Variants in SOX5 observed in about 807,000 individuals in gnomAD.
The protein encoded by SOX5 is transcription factor SOX-5.
In SOX5, 9 loss-of-function variants were observed where a neutral mutation model predicts 92.0. The ratio of observed to expected loss-of-function variants is 0.10; its 90% CI spans 0.06 to 0.17. The LOEUF (loss-of-function observed/expected upper bound fraction) is 0.17, where lower values mean the gene tolerates loss of function less well. Ranked by LOEUF, SOX5 falls within the 10% of genes least tolerant of loss-of-function variation. SOX5 has a pLI of 1.00. For missense variants in SOX5, 642 were observed against 944.5 expected, an observed-to-expected ratio of 0.68 and a Z score of 4.20; for synonymous variants, 344 against 336.3, an observed-to-expected ratio of 1.02 and a Z score of -0.25.
chr12:23,675,654 A>T (rs1451836771), intron 6 of SOX5, among the ~76,000 whole-genome samples: 1 of 152,188 alleles, frequency 6.6e-6, no homozygotes, highest in African/African-American at 2.4e-5. Flanking sequence ...TTTTAATATC[A>T]TACCAAAAGC....
intron 3 of SOX5, among the ~76,000 whole-genome samples, chr12:23,799,798 A>G (rs2095630253): frequency 6.6e-6 from 1 of 152,020 alleles, no homozygotes; most frequent in South Asian, 2.1e-4. Flanking sequence ...TAAGCATACC[A>G]TATTACAGAC....
At chr12:23,758,846 A>G (rs1432753311) in intron 3 of SOX5, among the ~76,000 whole-genome samples, 1 of 151,820 alleles carries the variant, frequency 6.6e-6, no homozygotes. Context: ...TCGTGTGTGC[A>G]CTCCCTTATT....
intron 9 of SOX5, among the ~76,000 whole-genome samples, chr12:23,603,505 C>T (rs1366483927): frequency 7.0e-6 from 1 of 143,662 alleles, no homozygotes; most frequent in Non-Finnish European, 1.6e-5. Context: ...TTCTACTTAA[C>T]ATTTCCTAAT....
chr12:23,542,818 T>C (rs1383313937), intron 13 of SOX5, among the ~76,000 whole-genome samples: 1 of 152,156 alleles, frequency 6.6e-6, no homozygotes, highest in Non-Finnish European at 1.5e-5. Flanking sequence ...CAGAGGATGA[T>C]GAGAGAGGAA....
chr12:23,741,010 T>C lies in SOX5; in HGVS notation c.598A>G (p.Arg200Gly). The C allele has an allele frequency of 6.2e-7, 1 of 1,606,124 alleles. No homozygotes were observed. Among genetic ancestry groups the C allele is most frequent in the Non-Finnish European group, 8.5e-7 (1 of 1,174,212 alleles). Residue 200 changes from arginine (R) to glycine (G), a missense_variant, in exon 5 of 15, where the codon AGG (arginine) becomes GGG (glycine). By Grantham distance (125) the Arg-to-Gly change is moderately radical. Transcript: ENST00000451604. ...TGGTTGATCATACCCATGAGTTGCC[T>C]TTCTTTCTCAGCTAAGCTCTCGGGA... ...GTPESLAEKE[R>G]QLMGMINQLT...
intron 1 of SOX5, among the ~76,000 whole-genome samples, chr12:23,917,611 C>T (rs1461424374): frequency 6.6e-6 from 1 of 152,006 alleles, no homozygotes; most frequent in Non-Finnish European, 1.5e-5. Context: ...AAAATGATGG[C>T]ATTTTGCTTG....
chr12:23,587,587 G>T (rs1189219420), intron 9 of SOX5, among the ~76,000 whole-genome samples: 2 of 151,898 alleles, frequency 1.3e-5, no homozygotes, highest in East Asian at 3.9e-4. Context: ...AATACTGGTC[G>T]AGACCCTCAC....
chr12:23,535,037 A>G (rs932685491), intron 14 of SOX5, among the ~76,000 whole-genome samples: 2 of 152,154 alleles, frequency 1.3e-5, no homozygotes, highest in African/African-American at 4.8e-5. Context: ...GTAGTGCTTT[A>G]TAGAGTACAA....
At chr12:24,088,441 T>A (rs1418633745) in intron 4 of SOX5, among the ~76,000 whole-genome samples, 1 of 152,064 alleles carries the variant, frequency 6.6e-6, no homozygotes, top group Non-Finnish European at 1.5e-5. Context: ...GGCATTGACT[T>A]ACCACAACTC....
At chr12:23,666,290 G>C (rs1342985843) in intron 6 of SOX5, among the ~76,000 whole-genome samples, 3 of 152,030 alleles carry the variant, frequency 2.0e-5, no homozygotes, top group Non-Finnish European at 4.4e-5. Flanking sequence ...TTAGACCACA[G>C]GGTCTCCATT....
At chr12:23,963,866 C>A (rs1947251217) in intron 4 of SOX5, among the ~76,000 whole-genome samples, 1 of 150,390 alleles carries the variant, frequency 6.6e-6, no homozygotes, top group Admixed American at 6.6e-5. Context: ...TGCAAATAAA[C>A]CAGGCTGCTA....
chr12:24,107,571 A>G (rs929393228), intron 4 of SOX5, among the ~76,000 whole-genome samples: 38 of 152,190 alleles, frequency 2.5e-4, no homozygotes, highest in Non-Finnish European at 4.0e-4. Flanking sequence ...AACCCAAAAA[A>G]CAGCCTTAGT....
At chr12:23,574,053 C>T (rs956442009) in intron 10 of SOX5, among the ~76,000 whole-genome samples, 10 of 151,212 alleles carry the variant, frequency 6.6e-5, no homozygotes, top group African/African-American at 2.4e-4. Flanking sequence ...AATGCAATAC[C>T]AGCTGCTAAG....
chr12:24,277,940 A>G (rs1275329342), intron 2 of SOX5, among the ~76,000 whole-genome samples: 4 of 152,156 alleles, frequency 2.6e-5, no homozygotes, highest in Admixed American at 2.0e-4. Context: ...CAACTTCAGA[A>G]AGTGCTCTTG....
At chr12:23,950,454 G>A (rs1308258869), upstream of SOX5, among the ~76,000 whole-genome samples, 3 of 152,140 alleles carry the variant, frequency 2.0e-5, no homozygotes, top group South Asian at 2.1e-4. Flanking sequence ...CTGGCAACCC[G>A]ACCAAAGTTT....
intron 4 of SOX5, among the ~76,000 whole-genome samples, chr12:23,985,662 AT>A (rs34711588): frequency 0.27 from 39,694 of 148,956 alleles, 5,433 homozygotes; most frequent in African/African-American, 0.32. Context: ...TGCTTCCCTT[AT>A]TTTTTTTTTT....
intron 1 of SOX5, among the ~76,000 whole-genome samples, chr12:24,548,994 A>T (rs1175320907): frequency 2.0e-5 from 3 of 150,858 alleles, no homozygotes; most frequent in African/African-American, 7.3e-5. Flanking sequence ...TTTCCCTTCC[A>T]CTCTGCTTCA....
rs546331830 is a variant in SOX5 at position 23,668,258 on chromosome 12, G to A, written c.811-2694C>T. On this transcript the variant is annotated intron_variant, in intron 6 of 14. Transcript: ENST00000451604. The stretch of plus-strand genomic sequence containing the variant: ...TAAACAAAAACACACACAAAACAAA[G>A]TTATATATTGATTAGCTGAAGAAAA... 1.8e-4 allele frequency among the ~76,000 whole-genome samples: 28 copies of A among 152,224 alleles called. 1 individual carries two copies. The highest frequency in any genetic ancestry group is 6.3e-4 in the African/African-American group (26 of 41,548).
intron 7 of SOX5, among the ~76,000 whole-genome samples, chr12:23,655,419 T>C (rs1262787382): frequency 6.6e-6 from 1 of 152,164 alleles, no homozygotes; most frequent in Non-Finnish European, 1.5e-5. Context: ...CTGTGTCTTA[T>C]GAAGAAATGA....
Sources: gnomAD v4.1 joint callset for allele counts (sites outside exome capture counted in the v4.1 genomes callset) on GRCh38, gnomAD v4.1.1 for gene constraint, MANE v1.5 for transcripts, NCBI Gene and HGNC (gene_info 2026-07-23, HGNC 2026-07-21) for gene names.